The following NMT2 variants were observed in gnomAD, a reference collection of about 807,000 sequenced individuals.
NMT2 encodes glycylpeptide N-tetradecanoyltransferase 2.
Under a neutral mutation model 65.4 loss-of-function variants are expected in NMT2, and 35 were observed. The observed-to-expected ratio is 0.54, with a 90% confidence interval of 0.41 to 0.71. The LOEUF (loss-of-function observed/expected upper bound fraction) is 0.71, where lower values mean the gene tolerates loss of function less well. Among genes scored for constraint, NMT2 ranks in the 30% least tolerant of loss-of-function variants. The pLI, the probability that NMT2 is intolerant of heterozygous loss-of-function variation, is 0.00. For synonymous variants in NMT2, 226 were observed against 231.8 expected (o/e 0.98, Z 0.23); for missense variants, 489 against 611.3 (o/e 0.80, Z 2.11).
intron 2 of NMT2, among the ~76,000 whole-genome samples, chr10:15,137,070 C>T (rs1427764440): frequency 6.6e-6 from 1 of 152,120 alleles, no homozygotes; most frequent in Non-Finnish European, 1.5e-5. Context: ...AGGGTGGACA[C>T]CATTGAAAGG....
At chr10:15,133,851 G>A (rs548211515) in intron 3 of NMT2, among the ~76,000 whole-genome samples, 3 of 152,272 alleles carry the variant, frequency 2.0e-5, no homozygotes, top group Admixed American at 6.5e-5. Context: ...GCCTCCCAAA[G>A]TGCTGGGATT....
At position 15,112,674 on chromosome 10, in the gene NMT2, T is replaced by C; in HGVS notation, c.1338+122A>G. 5.4e-6 allele frequency: 5 copies of C among 918,324 alleles called. No individual in the cohort carries two copies. The South Asian group carries it at 1.2e-4, about 21-fold the overall frequency. 56.9% of individuals were successfully genotyped at this position (918,324 alleles called of 1,614,324 possible). A position where few individuals can be genotyped will look rare whatever the true frequency, so the allele number is the denominator to read the frequency against. On this transcript the variant is annotated intron_variant, in intron 10 of 11. Coordinates refer to ENST00000378165, the MANE Select transcript of NMT2 (RefSeq NM_004808.3). The stretch of plus-strand genomic sequence containing the variant: ...AATTCTTCCTTTGACTGATGATCAA[T>C]AGTTTTTTTAAAGTCTCGCATAAAT...
rs1286326926 is a variant in NMT2, at chr10:15,163,047, C to G, written c.110+5456G>C. 2.0e-5 allele frequency among the ~76,000 whole-genome samples: 3 copies of G among 152,060 alleles called. No individual in the cohort carries two copies. The East Asian group carries it at 5.8e-4, about 29-fold the overall frequency. On this transcript the variant is annotated intron_variant, in intron 1 of 11. Coordinates refer to ENST00000378165, the MANE Select transcript of NMT2 (RefSeq NM_004808.3). ...TCTCCCATCTCAGCCTCCCAAGTAG[C>G]TGGAACTATACGCATGCACCACCAT...
intron 9 of NMT2, among the ~76,000 whole-genome samples, chr10:15,113,463 CAAAAAA>C (rs1169255963): frequency 3.8e-4 from 14 of 37,004 alleles, no homozygotes; most frequent in Admixed American, 2.1e-3. Context: ...GGATGAGACT[CAAAAAA>C]AAAAAAAAAA....
At position 15,141,364 on chromosome 10, in the gene NMT2, G is replaced by A. The variant is rs553083835; in HGVS notation, c.246+58C>T. 483 of 1,604,506 alleles carry A rather than the reference G, an allele frequency of 3.0e-4. 1 individual carries two copies. In the South Asian group the frequency reaches 5.0e-3, roughly 16 times the overall value. Reference sequence around the variant, plus strand: ...CTGATGCAGCAGCGCGCTAAACTGCGTAAACCCACTCATGCACGAGAAACC... The same window carrying A: ...CTGATGCAGCAGCGCGCTAAACTGCATAAACCCACTCATGCACGAGAAACC... On this transcript the variant is annotated intron_variant, in intron 2 of 11. Transcript: ENST00000378165.
chr10:15,160,141 G>A (rs1833139237), intron 1 of NMT2, among the ~76,000 whole-genome samples: 1 of 152,306 alleles, frequency 6.6e-6, no homozygotes, highest in East Asian at 1.9e-4. Flanking sequence ...GGTGAACAAT[G>A]ATGTCTGACA....
chr10:15,148,980 A>G (rs1847053056), intron 1 of NMT2, among the ~76,000 whole-genome samples: 2 of 152,168 alleles, frequency 1.3e-5, no homozygotes, highest in South Asian at 4.1e-4. Context: ...GAAAGGGAAC[A>G]CTCACATGCT....
rs552572721 is a variant in NMT2 at position 15,107,663 on chromosome 10, C to T, written c.*1532G>A. ...AGAGATGGGGTTTCACCATGTTGGC[C>T]AGGCTGGTCTCGAACCCCTGACCTC... On this transcript the variant is annotated 3_prime_UTR_variant, in exon 12 of 12. Transcript: ENST00000378165. The T allele has an allele frequency of 8.7e-4, 519 of 596,464 alleles. No homozygotes were observed. Among genetic ancestry groups the T allele is most frequent in the Non-Finnish European group, 1.0e-3 (485 of 475,090 alleles). 36.9% of individuals were successfully genotyped at this position (596,464 alleles called of 1,614,324 possible). A position where few individuals can be genotyped will look rare whatever the true frequency, so the allele number is the denominator to read the frequency against.
Position 15,115,832 on chromosome 10 carries a change from A to G in NMT2, c.1171-2869T>C, listed in dbSNP as rs948779231. Among the ~76,000 whole-genome samples the G allele has an allele frequency of 4.6e-5, 7 of 152,368 alleles. No individual in the cohort carries two copies. In the South Asian group the frequency reaches 1.5e-3, roughly 32 times the overall value. ...ATACTCCAGAGCAAGGAAAATTATT[A>G]GAAAGAGAGGTATTACATTATGATA... is the stretch of plus-strand genomic sequence containing the variant. On this transcript the variant is annotated intron_variant, in intron 9 of 11. Transcript: ENST00000378165.
At chr10:15,149,176 A>AC (rs1358431053) in intron 1 of NMT2, among the ~76,000 whole-genome samples, 4 of 150,576 alleles carry the variant, frequency 2.7e-5, no homozygotes, top group Non-Finnish European at 5.9e-5. Flanking sequence ...TGCCGCCATC[A>AC]CCACCACCAC....
chr10:15,115,002 C>CA (rs1026620273), intron 9 of NMT2, among the ~76,000 whole-genome samples: 6 of 149,090 alleles, frequency 4.0e-5, no homozygotes, highest in East Asian at 2.0e-4. Context: ...ACACTGTCTC[C>CA]AAAAAAAATT....
At chr10:15,149,697 G>A (rs1204995001) in intron 1 of NMT2, among the ~76,000 whole-genome samples, 1 of 152,014 alleles carries the variant, frequency 6.6e-6, no homozygotes, top group Non-Finnish European at 1.5e-5. Flanking sequence ...TTTGTAAACT[G>A]TCACACTCGG....
chr10:15,108,024 C>G lies in NMT2; in HGVS notation c.*1171G>C. ...ATTTTGCATAAGTAATAAAAACATTCAAACTATCAATGCCCTGATAGCACG... is the reference window on the plus strand; with the variant it reads ...ATTTTGCATAAGTAATAAAAACATTGAAACTATCAATGCCCTGATAGCACG... On this transcript the variant is annotated 3_prime_UTR_variant, in exon 12 of 12. Transcript: ENST00000378165. 1.0e-6 allele frequency: 1 copy of G among 985,762 alleles called. No homozygotes were observed. Among genetic ancestry groups the G allele is most frequent in the Non-Finnish European group, 1.2e-6 (1 of 829,904 alleles). The allele number at this position is 985,762 out of a possible 1,614,324, so 61.1% of individuals were successfully genotyped here.
intron 4 of NMT2, 48 bp from the exon 5 acceptor site, chr10:15,133,192 A>C: frequency 6.3e-7 from 1 of 1,599,882 alleles, no homozygotes; most frequent in Non-Finnish European, 8.6e-7. Flanking sequence ...GAATCAACTT[A>C]GAAGCAATGT....
intron 1 of NMT2, among the ~76,000 whole-genome samples, chr10:15,159,973 C>T (rs1024505964): frequency 2.6e-5 from 4 of 152,120 alleles, no homozygotes; most frequent in Non-Finnish European, 5.9e-5. Flanking sequence ...CAGGGGTCAG[C>T]GCCTTTGGTC....
At position 15,141,464 on chromosome 10, in the gene NMT2, C is replaced by T. The variant is rs75191203; in HGVS notation, c.204G>A (p.Ser68=). The T allele has an allele frequency of 2.7e-3, 4,323 of 1,614,196 alleles. 94 individuals are homozygous for T. In the African/African-American group the frequency reaches 0.049, roughly 18 times the overall value. The change falls in exon 2 of 12, where the codon TCG becomes TCA. Residue 68 remains serine, a synonymous_variant. Transcript: ENST00000378165. The part of the protein sequence containing the change: ...KPNSGGTKSD[S]ASDSQEIKIQ... ...TTTTAATCTCCTGGGAATCAGATGC[C>T]GAGTCTGACTTGGTGCCTCCGGAAT...
intron 8 of NMT2, among the ~76,000 whole-genome samples, chr10:15,127,193 C>A (rs1286462784): frequency 6.6e-6 from 1 of 151,432 alleles, no homozygotes; most frequent in Non-Finnish European, 1.5e-5. Flanking sequence ...CAACATCCAG[C>A]CACTGCACTC....
intron 2 of NMT2, chr10:15,141,108 GTGT>G: frequency 2.3e-6 from 3 of 1,319,374 alleles, no homozygotes; most frequent in Admixed American, 2.1e-5. Flanking sequence ...AAATATTAAA[GTGT>G]AATTTCAAAA....
At chr10:15,110,053 C>T (rs1845454954) in intron 10 of NMT2, among the ~76,000 whole-genome samples, 1 of 152,122 alleles carries the variant, frequency 6.6e-6, no homozygotes, top group Non-Finnish European at 1.5e-5. Flanking sequence ...GGGTGGATCA[C>T]TTGAGGTCAG....
Sources: allele counts gnomAD v4.1 joint callset (sites outside exome capture counted in the v4.1 genomes callset), GRCh38; gene constraint gnomAD v4.1.1; transcripts MANE v1.5; gene names NCBI Gene and HGNC (gene_info 2026-07-23, HGNC 2026-07-21).